Variants in ITGA6 observed in about 807,000 individuals in gnomAD.
ITGA6 encodes integrin alpha-6.
ITGA6 carries 63 observed loss-of-function variants against 133.6 expected under a neutral mutation model. That is an observed-to-expected ratio of 0.47 (90% CI 0.38 to 0.58). The LOEUF is 0.58. Among genes scored for constraint, ITGA6 ranks in the 20% least tolerant of loss-of-function variants. The pLI, the probability that ITGA6 is intolerant of heterozygous loss-of-function variation, is 0.00. For missense variants in ITGA6, 1,068 were observed against 1,309.4 expected (o/e 0.82, Z 2.85); for synonymous variants, 434 against 482.0 (o/e 0.90, Z 1.30).
chr2:172,441,559 TAAAAAAAAAAAAAAAAAAAAAA>T (rs57828626), intron 1 of ITGA6, among the ~76,000 whole-genome samples: 38 of 48,856 alleles, frequency 7.8e-4, no homozygotes, highest in Non-Finnish European at 1.1e-3. Context: ...GCTGTCTCTT[TAAAAAAAAAAAAAAAAAAAAAA>T]AAAAAAAAAA....
At chr2:172,500,597 T>C (rs1687308815) in intron 24 of ITGA6, among the ~76,000 whole-genome samples, 1 of 152,188 alleles carries the variant, frequency 6.6e-6, no homozygotes, top group African/African-American at 2.4e-5. Context: ...GCCACTGCAC[T>C]CCAGCCTGGG....
chr2:172,459,810 G>C (rs1161665643), intron 1 of ITGA6, among the ~76,000 whole-genome samples: 1 of 152,232 alleles, frequency 6.6e-6, no homozygotes, highest in Non-Finnish European at 1.5e-5. Context: ...GGCTGTTCCA[G>C]CATGATCCTG....
chr2:172,461,304 T>TA (rs1179237672), intron 1 of ITGA6, among the ~76,000 whole-genome samples: 1 of 152,238 alleles, frequency 6.6e-6, no homozygotes, highest in Non-Finnish European at 1.5e-5. Context: ...GGGTTTCTGA[T>TA]ATGCTGAAAT....
rs1686916696 is a variant in ITGA6 at position 172,491,292 on chromosome 2, T to C, written c.2850T>C (p.Leu950=). The C allele has an allele frequency of 1.9e-6, 3 of 1,613,022 alleles. No homozygotes were observed. Among genetic ancestry groups the C allele is most frequent in the Non-Finnish European group, 2.5e-6 (3 of 1,178,946 alleles). ...GGGGGCTGGACAGCAAGGCGTCTCT[T>C]ATTTTGCGCTCGAGGTTATGGAACA... ...PLRGLDSKAS[L]ILRSRLWNST... Residue 950 remains leucine (L), a synonymous_variant, in exon 22 of 26, where the codon CTT becomes CTC. Coordinates refer to ENST00000684293, the MANE Select transcript of ITGA6 (RefSeq NM_000210.4). This position sits in a 1 kb window ranked among gnomAD's most constrained non-coding sequence, Gnocchi z 4.4.
intron 23 of ITGA6, among the ~76,000 whole-genome samples, chr2:172,493,666 C>CTG (rs1398779151): frequency 6.6e-6 from 1 of 152,182 alleles, no homozygotes; most frequent in Non-Finnish European, 1.5e-5. Flanking sequence ...TTCTTTGACT[C>CTG]TGTGGCACTT....
intron 19 of ITGA6, among the ~76,000 whole-genome samples, chr2:172,489,282 T>A (rs867204739): frequency 6.6e-6 from 1 of 152,384 alleles, no homozygotes; most frequent in Admixed American, 6.5e-5. Context: ...AGTTGTCCTT[T>A]GACCTTTTTG....
chr2:172,489,402 T>G, intron 19 of ITGA6, 83 bp from the exon 20 acceptor site: 1 of 1,113,888 alleles, frequency 9.0e-7, no homozygotes, highest in Non-Finnish European at 1.4e-6. Context: ...ATATTTTAGC[T>G]TCTTTCTCTT....
rs1238338788 is a variant in ITGA6, at chr2:172,469,140, T to C, written c.403T>C (p.Tyr135His). 1.2e-6 allele frequency: 2 copies of C among 1,614,032 alleles called. No individual in the cohort carries two copies. The highest frequency in any genetic ancestry group is 1.7e-5 in the Admixed American group (1 of 60,008). The part of the protein sequence containing the change: ...GGKVVTCAHR[Y>H]EKRQHVNTKQ... ...CTGCTTGCAGACATGTGCTCACCGA[T>C]ATGAAAAAAGGCAGCATGTTAATAC... The change falls in exon 4 of 26, where the codon TAT becomes CAT. Residue 135 changes from tyrosine (Y) to histidine (H), a missense_variant. Physicochemically the swap from Tyr to His is moderately conservative, Grantham distance 83. This residue lies in a region of ITGA6 where 317 missense variants were observed against 456.9 expected (regional missense o/e 0.69). Transcript: ENST00000684293.
intron 1 of ITGA6, among the ~76,000 whole-genome samples, chr2:172,449,740 G>A (rs1270211910): frequency 6.6e-6 from 1 of 152,008 alleles, no homozygotes; most frequent in African/African-American, 2.4e-5. Flanking sequence ...TGACCAGCAT[G>A]GAGAAACCCC....
intron 1 of ITGA6, among the ~76,000 whole-genome samples, chr2:172,457,986 C>T (rs1000236964): frequency 6.6e-6 from 1 of 151,974 alleles, no homozygotes; most frequent in Non-Finnish European, 1.5e-5. Context: ...CGCCCCCCAA[C>T]CAAGAGTGAT....
chr2:172,473,130 G>A (rs1686018486), intron 5 of ITGA6, among the ~76,000 whole-genome samples: 6 of 152,158 alleles, frequency 3.9e-5, no homozygotes, highest in Admixed American at 2.6e-4. Context: ...GAACTGCAAC[G>A]GTAGTGGTGA....
intron 1 of ITGA6, among the ~76,000 whole-genome samples, chr2:172,445,656 A>G (rs1457362404): frequency 6.6e-6 from 1 of 151,208 alleles, no homozygotes; most frequent in Admixed American, 6.6e-5. Context: ...CTTTTTTAAA[A>G]AAAAAAAAAA....
At chr2:172,494,792 G>A (rs1162578047) in intron 23 of ITGA6, among the ~76,000 whole-genome samples, 3 of 152,022 alleles carry the variant, frequency 2.0e-5, no homozygotes, top group Non-Finnish European at 4.4e-5. Context: ...AAATTGAGGG[G>A]GATTGTTTAT....
At chr2:172,439,272 C>T (rs1684444806) in intron 1 of ITGA6, among the ~76,000 whole-genome samples, 1 of 151,860 alleles carries the variant, frequency 6.6e-6, no homozygotes, top group Non-Finnish European at 1.5e-5. Context: ...TCCAGCGTCT[C>T]AGTGCATATA....
intron 25 of ITGA6, among the ~76,000 whole-genome samples, chr2:172,502,125 C>A (rs1175614837): frequency 1.3e-5 from 2 of 151,806 alleles, no homozygotes; most frequent in Non-Finnish European, 2.9e-5. Context: ...ATTTTATGTT[C>A]TTGTTAAATA....
chr2:172,493,864 G>C (rs1319712642), intron 23 of ITGA6, among the ~76,000 whole-genome samples: 1 of 152,182 alleles, frequency 6.6e-6, no homozygotes, highest in Non-Finnish European at 1.5e-5. Context: ...TGTCCAGTCT[G>C]ATGACTGGGT....
At chr2:172,486,955 T>A in intron 13 of ITGA6, 68 bp from the exon 14 acceptor site, 2 of 821,218 alleles carry the variant, frequency 2.4e-6, no homozygotes, top group Non-Finnish European at 4.3e-6. Flanking sequence ...GAATAGCCAG[T>A]CACCTACATC....
At chr2:172,435,832 T>C (rs1170870741) in intron 1 of ITGA6, among the ~76,000 whole-genome samples, 1 of 151,950 alleles carries the variant, frequency 6.6e-6, no homozygotes, top group East Asian at 1.9e-4. Context: ...TGCTACCATG[T>C]TGGCCAGGCT....
chr2:172,438,602 G>A (rs953507594), intron 1 of ITGA6, among the ~76,000 whole-genome samples: 3 of 151,812 alleles, frequency 2.0e-5, no homozygotes, highest in Non-Finnish European at 4.4e-5. Flanking sequence ...GGTACTAATA[G>A]CACCTACCTC....
Sources: allele counts gnomAD v4.1 joint callset (sites outside exome capture counted in the v4.1 genomes callset), GRCh38; gene constraint gnomAD v4.1.1; regional missense constraint gnomAD v4.1.1; non-coding constraint Gnocchi (gnomAD v3.1); transcripts MANE v1.5; gene names NCBI Gene and HGNC (gene_info 2026-07-23, HGNC 2026-07-21).